UPF2: variants seen among roughly 807,000 people sequenced by gnomAD.
The protein encoded by UPF2 is UPF2 regulator of nonsense mediated mRNA decay, also known as regulator of nonsense transcripts 2.
In UPF2, 17 loss-of-function variants were observed where a neutral mutation model predicts 141.4. The observed-to-expected ratio is 0.12, with a 90% CI of 0.08 to 0.18. UPF2 has a LOEUF of 0.18. UPF2 is among the 10% of genes least tolerant of loss of function. The pLI is 1.00. For synonymous variants in UPF2, 540 were observed against 498.0 expected (o/e 1.08, Z -1.12); for missense variants, 1,152 against 1,515.9 (o/e 0.76, Z 3.99).
intron 18 of UPF2, 65 bp downstream of exon 18, chr10:11,942,600 C>T: frequency 1.3e-6 from 2 of 1,481,934 alleles, no homozygotes; most frequent in East Asian, 2.3e-5. Context: ...TCACATGAAC[C>T]AGAATGTAAT....
rs1220408370 is a variant in UPF2, at chr10:11,935,212, G to A, written c.3546+1333C>T. Among the ~76,000 whole-genome samples the A allele has an allele frequency of 6.6e-6, 1 of 151,886 alleles. No homozygotes were observed. The highest frequency in any genetic ancestry group is 2.4e-5 in the African/African-American group (1 of 41,328). On this transcript the variant is annotated intron_variant, in intron 19 of 21. Coordinates refer to ENST00000357604, the MANE Select transcript of UPF2 (RefSeq NM_015542.4). The surrounding 1 kb of genome is among the most constrained non-coding windows in gnomAD (Gnocchi z 4.9). ...GTGTCTCTTTCTATCCTCTTACCCT[G>A]CTTTATCCTCCTTGGTAGCCATCCC...
chr10:11,962,714 T>C (rs1458442219), intron 11 of UPF2, among the ~76,000 whole-genome samples: 2 of 152,158 alleles, frequency 1.3e-5, no homozygotes, highest in Non-Finnish European at 2.9e-5. Context: ...AATTATTCAC[T>C]GCCACCAGGA....
chr10:11,974,965 A>G (rs1833481884), intron 9 of UPF2, among the ~76,000 whole-genome samples: 1 of 152,212 alleles, frequency 6.6e-6, no homozygotes, highest in African/African-American at 2.4e-5. Context: ...GCCAAGGTAT[A>G]TAATTTTGAA....
chr10:12,037,402 C>CT (rs59226793), intron 1 of UPF2, among the ~76,000 whole-genome samples: 45,694 of 122,258 alleles, frequency 0.37, 9,307 homozygotes, highest in African/African-American at 0.54. Flanking sequence ...TTTTGTTTTT[C>CT]TTTTTTTTTT....
chr10:12,015,031 C>T (rs1328710740), intron 3 of UPF2, among the ~76,000 whole-genome samples: 1 of 152,126 alleles, frequency 6.6e-6, no homozygotes, highest in East Asian at 1.9e-4. Flanking sequence ...GAGTAAAAGT[C>T]TTATTATATT....
chr10:12,010,260 G>C (rs989355569), intron 4 of UPF2, among the ~76,000 whole-genome samples: 1 of 152,122 alleles, frequency 6.6e-6, no homozygotes, highest in African/African-American at 2.4e-5. Context: ...GTAGAAAAAT[G>C]ACCAGACATG....
chr10:11,933,894 T>C (rs1443507492), intron 19 of UPF2, among the ~76,000 whole-genome samples: 4 of 152,226 alleles, frequency 2.6e-5, no homozygotes, highest in Non-Finnish European at 5.9e-5. Flanking sequence ...TTAACAAAAA[T>C]CATGGCCTTC....
intron 9 of UPF2, among the ~76,000 whole-genome samples, chr10:11,976,141 G>A (rs1425229100): frequency 1.3e-5 from 2 of 152,156 alleles, no homozygotes; most frequent in Non-Finnish European, 1.5e-5. Context: ...CAAACCCATT[G>A]TTTCAACTAG....
intron 19 of UPF2, among the ~76,000 whole-genome samples, chr10:11,934,884 G>C (rs568006110): frequency 6.6e-6 from 1 of 152,066 alleles, no homozygotes; most frequent in Non-Finnish European, 1.5e-5. Flanking sequence ...CACTATGCCC[G>C]GCCACACACC....
intron 3 of UPF2, among the ~76,000 whole-genome samples, chr10:12,015,602 C>A (rs1005270563): frequency 6.6e-6 from 1 of 151,924 alleles, no homozygotes; most frequent in South Asian, 2.1e-4. Context: ...CTCAGGAGGC[C>A]GAGGCAGAAG....
intron 4 of UPF2, among the ~76,000 whole-genome samples, chr10:12,008,683 G>A (rs572831995): frequency 1.5e-3 from 229 of 149,302 alleles, no homozygotes; most frequent in African/African-American, 5.5e-3. Context: ...TTAGTGGCAT[G>A]TAAATTTTTT....
intron 5 of UPF2, among the ~76,000 whole-genome samples, chr10:12,004,266 T>C (rs545448812): frequency 1.3e-5 from 2 of 152,296 alleles, no homozygotes; most frequent in East Asian, 3.9e-4. Flanking sequence ...AAGACCTCAC[T>C]TGAATTCACT....
intron 3 of UPF2, chr10:12,026,794 C>T (rs1469424019): frequency 7.8e-6 from 3 of 384,172 alleles, no homozygotes; most frequent in South Asian, 2.0e-5. Flanking sequence ...CTGGGATTAC[C>T]GGGGCCTGCC....
At chr10:11,948,597 C>A in intron 15 of UPF2, 89 bp from the exon 16 acceptor site, 5 of 1,370,446 alleles carry the variant, frequency 3.6e-6, no homozygotes, top group South Asian at 1.5e-5. Context: ...TAAAAGTATG[C>A]ATTAAGAATT....
At chr10:11,993,731 CGGAGGCCAAAGCA>C (rs1833820460) in intron 8 of UPF2, among the ~76,000 whole-genome samples, 1 of 151,866 alleles carries the variant, frequency 6.6e-6, no homozygotes, top group South Asian at 2.1e-4. Flanking sequence ...CCTGCACTTT[CGGAGGCCAAAGCA>C]GGAGGAGCTG....
rs180815408 is a variant in UPF2 at position 11,969,464 on chromosome 10, C to T, written c.1954-2010G>A. Among the ~76,000 whole-genome samples the T allele has an allele frequency of 1.9e-3, 283 of 152,214 alleles. 1 individual carries two copies. The highest frequency in any genetic ancestry group is 0.013 in the South Asian group (61 of 4,820). On this transcript the variant is annotated intron_variant, in intron 9 of 21. Coordinates refer to ENST00000357604, the MANE Select transcript of UPF2 (RefSeq NM_015542.4). ...GATTATAAGGTGTGAGACACTGCTCCCAGCCAGAACTTTTTTTTAATGACA... is the reference window on the plus strand; with the variant it reads ...GATTATAAGGTGTGAGACACTGCTCTCAGCCAGAACTTTTTTTTAATGACA...
chr10:11,962,435 C>G (rs962913688), intron 11 of UPF2, among the ~76,000 whole-genome samples: 2 of 152,120 alleles, frequency 1.3e-5, no homozygotes, highest in Non-Finnish European at 2.9e-5. Flanking sequence ...TAGGGTACTT[C>G]CTGCTTCCTC....
At chr10:12,024,420 G>C (rs1455460853) in intron 3 of UPF2, among the ~76,000 whole-genome samples, 1 of 151,848 alleles carries the variant, frequency 6.6e-6, no homozygotes, top group Non-Finnish European at 1.5e-5. Flanking sequence ...GACGAGCCTG[G>C]GCAACATGGC....
intron 17 of UPF2, 56 bp downstream of exon 17, chr10:11,943,008 A>C: frequency 7.7e-7 from 1 of 1,292,590 alleles, no homozygotes; most frequent in Non-Finnish European, 1.1e-6. Context: ...ACTAAAATTC[A>C]AATACTATAA....
Sources: allele counts gnomAD v4.1 joint callset (sites outside exome capture counted in the v4.1 genomes callset), GRCh38; gene constraint gnomAD v4.1.1; non-coding constraint Gnocchi (gnomAD v3.1); transcripts MANE v1.5; gene names NCBI Gene and HGNC (gene_info 2026-07-23, HGNC 2026-07-21).